The following TMEM87B variants were observed in gnomAD, a reference collection of about 807,000 sequenced individuals.
TMEM87B encodes the protein transmembrane protein 87B.
In TMEM87B, 83 loss-of-function variants were observed where a neutral mutation model predicts 80.3. The ratio of observed to expected loss-of-function variants is 1.03; its 90% CI spans 0.87 to 1.24. TMEM87B has a LOEUF of 1.24. Ranked by LOEUF, TMEM87B falls within the 50% of genes most tolerant of loss-of-function variation. TMEM87B has a pLI of 0.00. For missense variants in TMEM87B, 625 were observed against 674.4 expected (o/e 0.93, Z 0.81); for synonymous variants, 219 against 230.5 (o/e 0.95, Z 0.45).
intron 6 of TMEM87B, 72 bp downstream of exon 6, chr2:112,077,354 C>T (rs1449191154): frequency 2.8e-6 from 2 of 703,882 alleles, no homozygotes; most frequent in Non-Finnish European, 2.3e-6. Flanking sequence ...TGACCTGAGT[C>T]AACATTCTCT....
intron 6 of TMEM87B, among the ~76,000 whole-genome samples, chr2:112,079,020 G>A (rs1209875076): frequency 6.6e-6 from 1 of 152,052 alleles, no homozygotes; most frequent in South Asian, 2.1e-4. Flanking sequence ...TAAATGTATG[G>A]GGTACAAAGT....
At position 112,107,712 on chromosome 2, in the gene TMEM87B, T is replaced by TTA. The variant is rs749305177; in HGVS notation, c.1525-66_1525-65dup. ...AAATATTTACATTTAAACACTTAAGTTATATATATATTCTGTTTTAAAAAT... is the reference window on the plus strand; with the variant it reads ...AAATATTTACATTTAAACACTTAAGTTATATATATATATTCTGTTTTAAAAAT... On this transcript the variant is annotated intron_variant, in intron 16 of 18. Transcript: ENST00000283206. 4.7e-4 allele frequency: 348 copies of TTA among 733,138 alleles called. 1 individual carries two copies. The highest frequency in any genetic ancestry group is 6.4e-4 in the Non-Finnish European group (298 of 465,358). 45.4% of individuals were successfully genotyped at this position (733,138 alleles called of 1,614,324 possible).
chr2:112,112,372 A>T (rs1311136274), intron 17 of TMEM87B, among the ~76,000 whole-genome samples: 1 of 152,212 alleles, frequency 6.6e-6, no homozygotes, highest in East Asian at 1.9e-4. Flanking sequence ...AGTTAAGCAA[A>T]TGCTGGATTC....
chr2:112,081,022 A>T, intron 6 of TMEM87B, 35 bp from the exon 7 acceptor site: 1 of 1,566,826 alleles, frequency 6.4e-7, no homozygotes, highest in Non-Finnish European at 8.8e-7. Context: ...TTTAAGACTG[A>T]CTGTTAATTA....
rs1413143711 is a variant in TMEM87B, at chr2:112,077,298, A to C, written c.592+16A>C. The C allele has an allele frequency of 1.4e-6, 2 of 1,394,996 alleles. No homozygotes were observed. Among genetic ancestry groups the C allele is most frequent in the East Asian group, 2.4e-5 (1 of 41,746 alleles). 86.4% of individuals were successfully genotyped at this position (1,394,996 alleles called of 1,614,324 possible). On this transcript the variant is annotated intron_variant, in intron 6 of 18. Coordinates refer to ENST00000283206, the MANE Select transcript of TMEM87B (RefSeq NM_032824.3). ...AATTTGAATGGTATAGTTAAACTGC[A>C]TGCATGTTTACTGTCTGCATTTTCT... is the stretch of plus-strand genomic sequence containing the variant.
intron 6 of TMEM87B, 55 bp from the exon 7 acceptor site, chr2:112,081,002 C>A: frequency 6.7e-7 from 1 of 1,502,684 alleles, no homozygotes; most frequent in Non-Finnish European, 9.2e-7. Flanking sequence ...AATGAACTTA[C>A]ATTTAAAGAT....
chr2:112,067,080 C>A lies in TMEM87B; in HGVS notation c.450+13C>A, dbSNP rs780674924. ...TCCCTCTTTGAATGTGAGTATCTGACTTGCCATGTTAAAGTTTATTTTATT... is the reference window on the plus strand; with the variant it reads ...TCCCTCTTTGAATGTGAGTATCTGAATTGCCATGTTAAAGTTTATTTTATT... On this transcript the variant is annotated intron_variant, in intron 4 of 18. Coordinates refer to ENST00000283206, the MANE Select transcript of TMEM87B (RefSeq NM_032824.3). 6.2e-7 allele frequency: 1 copy of A among 1,605,874 alleles called. No individual in the cohort carries two copies. The highest frequency in any genetic ancestry group is 1.1e-5 in the South Asian group (1 of 88,610).
At chr2:112,101,244 C>T (rs1254006617) in intron 15 of TMEM87B, among the ~76,000 whole-genome samples, 1 of 152,066 alleles carries the variant, frequency 6.6e-6, no homozygotes, top group Non-Finnish European at 1.5e-5. Flanking sequence ...TTTTTGTCCT[C>T]TTACTTTTGC....
chr2:112,061,012 T>C (rs992043672), intron 2 of TMEM87B, among the ~76,000 whole-genome samples: 1 of 152,356 alleles, frequency 6.6e-6, no homozygotes, highest in Admixed American at 6.5e-5. Context: ...TGAAATGTCA[T>C]GATTGTGATA....
chr2:112,107,357 C>CAAAA (rs35280651), intron 16 of TMEM87B, among the ~76,000 whole-genome samples: 12 of 83,894 alleles, frequency 1.4e-4, no homozygotes, highest in Non-Finnish European at 1.9e-4. Context: ...GACTCTGTCT[C>CAAAA]AAAAAAAAAA....
chr2:112,076,704 G>A (rs1678827597), intron 5 of TMEM87B, among the ~76,000 whole-genome samples: 1 of 152,136 alleles, frequency 6.6e-6, no homozygotes, highest in Non-Finnish European at 1.5e-5. Flanking sequence ...GAGGGAACCT[G>A]TAAAAATATA....
intron 2 of TMEM87B, among the ~76,000 whole-genome samples, chr2:112,061,654 A>G (rs1200337857): frequency 6.6e-6 from 1 of 152,222 alleles, no homozygotes; most frequent in Admixed American, 6.5e-5. Context: ...AAAAAGTTAT[A>G]TGGAAAAAAA....
intron 14 of TMEM87B, among the ~76,000 whole-genome samples, chr2:112,099,184 T>G (rs749850813): frequency 6.6e-6 from 1 of 152,164 alleles, no homozygotes; most frequent in Non-Finnish European, 1.5e-5. Context: ...CTTCCTTGCT[T>G]TATCCCTTTG....
intron 10 of TMEM87B, among the ~76,000 whole-genome samples, chr2:112,090,350 G>A (rs1029859301): frequency 2.0e-5 from 3 of 151,744 alleles, no homozygotes; most frequent in South Asian, 2.1e-4. Flanking sequence ...TATTTTGTGC[G>A]GTTTTTTGTT....
intron 16 of TMEM87B, among the ~76,000 whole-genome samples, chr2:112,106,819 T>TA (rs754789493): frequency 8.5e-5 from 13 of 152,248 alleles, no homozygotes; most frequent in Non-Finnish European, 1.5e-4. Context: ...AGACATTTTT[T>TA]ATCTGTTAGA....
chr2:112,113,343 G>C (rs1679972960), intron 18 of TMEM87B, among the ~76,000 whole-genome samples: 1 of 152,164 alleles, frequency 6.6e-6, no homozygotes, highest in South Asian at 2.1e-4. Context: ...TGGATCACTT[G>C]GACATTAAGT....
chr2:112,090,379 ATTGG>A (rs139232840), intron 10 of TMEM87B, among the ~76,000 whole-genome samples: 26,051 of 149,972 alleles, frequency 0.17, 3,439 homozygotes, highest in East Asian at 0.64. Context: ...TCATTGGTTG[ATTGG>A]TTGGTTGGTT....
intron 11 of TMEM87B, among the ~76,000 whole-genome samples, chr2:112,092,852 G>A (rs1358352135): frequency 6.6e-6 from 1 of 152,190 alleles, no homozygotes; most frequent in Non-Finnish European, 1.5e-5. Flanking sequence ...TAGAGAAAAT[G>A]TGACTGACCA....
At chr2:112,064,894 T>A (rs1014611846) in intron 3 of TMEM87B, among the ~76,000 whole-genome samples, 1 of 152,158 alleles carries the variant, frequency 6.6e-6, no homozygotes, top group East Asian at 1.9e-4. Flanking sequence ...CATATCTTTT[T>A]AAATTATATA....
Sources: gnomAD v4.1 joint callset for allele counts (sites outside exome capture counted in the v4.1 genomes callset) on GRCh38, gnomAD v4.1.1 for gene constraint, MANE v1.5 for transcripts, NCBI Gene and HGNC (gene_info 2026-07-23, HGNC 2026-07-21) for gene names.